Variants in LRRC58 observed in about 807,000 individuals in gnomAD.
The protein encoded by LRRC58 is leucine-rich repeat-containing protein 58.
A neutral mutation model predicts 30.6 loss-of-function variants in LRRC58; 18 were observed. That is an observed-to-expected ratio of 0.59 (90% CI 0.41 to 0.87). LRRC58 has a LOEUF of 0.87. Ranked by LOEUF, LRRC58 falls within the 40% of genes least tolerant of loss-of-function variation. LRRC58 has a pLI of 0.00. For synonymous variants in LRRC58, 221 were observed against 206.0 expected (o/e 1.07, Z -0.62); for missense variants, 420 against 468.4 (o/e 0.90, Z 0.95).
chr3:120,343,866 C>T (rs898011725), intron 1 of LRRC58, among the ~76,000 whole-genome samples: 3 of 151,980 alleles, frequency 2.0e-5, no homozygotes, highest in African/African-American at 7.3e-5. Flanking sequence ...CCCGTCTCTA[C>T]TGAAAATAAA....
chr3:120,348,245 C>T lies in LRRC58; in HGVS notation c.500+499G>A, dbSNP rs541682673. Among the ~76,000 whole-genome samples, 11 of 152,294 alleles carry T rather than the reference C, an allele frequency of 7.2e-5. No individual in the cohort carries two copies. In the South Asian group the frequency reaches 2.3e-3, roughly 32 times the overall value. On this transcript the variant is annotated intron_variant, in intron 1 of 3. Transcript: ENST00000295628. ...TACCAGCAACTCCAAGCTGCTTTCT[C>T]TACGTGGGAAAATGCATAGGTCACT...
At chr3:120,336,640 G>A (rs1235608964) in intron 1 of LRRC58, among the ~76,000 whole-genome samples, 2 of 151,992 alleles carry the variant, frequency 1.3e-5, no homozygotes, top group Admixed American at 6.6e-5. Context: ...TTCAGAGGCT[G>A]TGTAAATTGT....
chr3:120,337,670 C>G (rs1325869383), intron 1 of LRRC58, among the ~76,000 whole-genome samples: 4 of 152,146 alleles, frequency 2.6e-5, no homozygotes, highest in African/African-American at 7.2e-5. Context: ...CCTTCTTGCT[C>G]TGGTGGTTAG....
At chr3:120,337,113 A>G (rs1935846257) in intron 1 of LRRC58, among the ~76,000 whole-genome samples, 2 of 152,106 alleles carry the variant, frequency 1.3e-5, no homozygotes, top group Admixed American at 1.3e-4. Context: ...TGCACTAAAT[A>G]CTGTCTCCCT....
chr3:120,337,252 C>T (rs969375171), intron 1 of LRRC58, among the ~76,000 whole-genome samples: 3 of 152,234 alleles, frequency 2.0e-5, no homozygotes, highest in Non-Finnish European at 1.5e-5. Context: ...CACTCCTTAA[C>T]CTACAACTTT....
chr3:120,348,447 C>T (rs1936004276), intron 1 of LRRC58, among the ~76,000 whole-genome samples: 1 of 152,194 alleles, frequency 6.6e-6, no homozygotes, highest in African/African-American at 2.4e-5. Context: ...CTCTGATTTA[C>T]ATCTGTTTTG....
chr3:120,340,941 C>T (rs1219015117), intron 1 of LRRC58, among the ~76,000 whole-genome samples: 2 of 152,058 alleles, frequency 1.3e-5, no homozygotes, highest in East Asian at 1.9e-4. Context: ...TTTAAAAAAA[C>T]GTATCTCTGA....
chr3:120,341,788 G>C (rs1576184178), intron 1 of LRRC58, among the ~76,000 whole-genome samples: 1 of 151,880 alleles, frequency 6.6e-6, no homozygotes. Context: ...GTGCAGCTGT[G>C]GTGGCCCAAC....
chr3:120,341,379 T>C (rs1027929739), intron 1 of LRRC58, among the ~76,000 whole-genome samples: 1 of 152,082 alleles, frequency 6.6e-6, no homozygotes, highest in African/African-American at 2.4e-5. Context: ...AAGGATTTGA[T>C]AGCTAAATAA....
chr3:120,334,973 C>A lies in LRRC58; in HGVS notation c.796G>T (p.Ala266Ser). ...TYDPPTLLEL[A>S]ARTIKIRNIS... is the part of the protein sequence containing the mutation. ...TTTCGAATCTTAATGGTCCGTGCAGCTAATTCCAGGAGAGTTGGAGGATCA... is the reference window on the plus strand; with the variant it reads ...TTTCGAATCTTAATGGTCCGTGCAGATAATTCCAGGAGAGTTGGAGGATCA... Residue 266 changes from alanine to serine, a missense_variant, in exon 3 of 4, where the codon GCT becomes TCT. Physicochemically the swap from Ala to Ser is moderately conservative, Grantham distance 99. Around this residue, in one of 2 missense-constraint regions of LRRC58, gnomAD observed 154 missense variants for 216.8 expected, o/e 0.71. Coordinates refer to ENST00000295628, the MANE Select transcript of LRRC58 (RefSeq NM_001099678.2). 1 of 1,613,882 alleles carries A rather than the reference C, an allele frequency of 6.2e-7. No individual in the cohort carries two copies. Among genetic ancestry groups the A allele is most frequent in the African/African-American group, 1.3e-5 (1 of 75,042 alleles).
intron 1 of LRRC58, among the ~76,000 whole-genome samples, chr3:120,343,157 G>T: frequency 6.6e-6 from 1 of 152,146 alleles, no homozygotes; most frequent in Non-Finnish European, 1.5e-5. Context: ...CCATGATTTT[G>T]CAATTATGTA....
At chr3:120,348,686 C>A (rs1936008245) in intron 1 of LRRC58, 58 bp downstream of exon 1, 2 of 1,482,386 alleles carry the variant, frequency 1.3e-6, no homozygotes, top group South Asian at 2.8e-5. Context: ...GGCCCGGCGC[C>A]CCAGGGTTCC....
chr3:120,341,417 G>GA (rs927601904), intron 1 of LRRC58, among the ~76,000 whole-genome samples: 3 of 151,716 alleles, frequency 2.0e-5, no homozygotes, highest in South Asian at 4.2e-4. Context: ...TAGAGAGGGA[G>GA]AAAAAAAATA....
At chr3:120,338,543 G>A (rs1305497628) in intron 1 of LRRC58, among the ~76,000 whole-genome samples, 1 of 152,224 alleles carries the variant, frequency 6.6e-6, no homozygotes, top group African/African-American at 2.4e-5. Flanking sequence ...GATAGTGATG[G>A]AAGTTACACT....
At chr3:120,344,213 C>T (rs1576185069) in intron 1 of LRRC58, among the ~76,000 whole-genome samples, 1 of 152,266 alleles carries the variant, frequency 6.6e-6, no homozygotes, top group East Asian at 1.9e-4. Context: ...AAGATAAGAA[C>T]ATCTGTGGAT....
chr3:120,335,747 A>C, intron 2 of LRRC58, 78 bp downstream of exon 2: 1 of 1,180,518 alleles, frequency 8.5e-7, no homozygotes, highest in Non-Finnish European at 1.2e-6. Context: ...TCTACATATA[A>C]AAACATGTGA....
chr3:120,341,914 G>C (rs753926877), intron 1 of LRRC58, among the ~76,000 whole-genome samples: 3 of 152,130 alleles, frequency 2.0e-5, no homozygotes, highest in Non-Finnish European at 2.9e-5. Flanking sequence ...CTGTGCTCTA[G>C]GGGGAGGGCT....
intron 1 of LRRC58, among the ~76,000 whole-genome samples, chr3:120,337,251 A>T (rs1433024421): frequency 3.3e-5 from 5 of 152,222 alleles, no homozygotes; most frequent in Non-Finnish European, 7.3e-5. Flanking sequence ...GCACTCCTTA[A>T]CCTACAACTT....
chr3:120,331,787 C>T lies in LRRC58; in HGVS notation c.908-379G>A, dbSNP rs375114949. On this transcript the variant is annotated intron_variant, in intron 3 of 3. Coordinates refer to ENST00000295628, the MANE Select transcript of LRRC58 (RefSeq NM_001099678.2). ...ACAGTCACAGACTAAAACAAAACAA[C>T]ATAAAAACTCCTTTAATAATTATCT... 9.9e-5 allele frequency among the ~76,000 whole-genome samples: 15 copies of T among 152,244 alleles called. No individual in the cohort carries two copies. In the East Asian group the frequency reaches 1.5e-3, roughly 16 times the overall value.
Sources: gnomAD v4.1 joint callset for allele counts (sites outside exome capture counted in the v4.1 genomes callset) on GRCh38, gnomAD v4.1.1 for gene constraint, gnomAD v4.1.1 regional missense constraint, MANE v1.5 for transcripts, NCBI Gene and HGNC (gene_info 2026-07-23, HGNC 2026-07-21) for gene names.